The following ANO10 variants were observed in gnomAD, a reference collection of about 807,000 sequenced individuals.
ANO10 encodes anoctamin-10.
In ANO10, 77 loss-of-function variants were observed where a neutral mutation model predicts 74.7. That is an observed-to-expected ratio of 1.03 (90% CI 0.86 to 1.25). The LOEUF is 1.25. Ranked by LOEUF, ANO10 falls within the 50% of genes most tolerant of loss-of-function variation. The pLI, the probability that ANO10 is intolerant of heterozygous loss-of-function variation, is 0.00. For synonymous variants in ANO10, 279 were observed against 284.9 expected (o/e 0.98, Z 0.21); for missense variants, 721 against 778.1 (o/e 0.93, Z 0.87).
At chr3:43,663,454 G>T (rs2083950761) in intron 1 of ANO10, among the ~76,000 whole-genome samples, 1 of 152,148 alleles carries the variant, frequency 6.6e-6, no homozygotes, top group Non-Finnish European at 1.5e-5. Context: ...GGCAAAAACT[G>T]GAAGCATTCC....
At position 43,376,145 on chromosome 3, in the gene ANO10, G is replaced by A. The variant is rs188584044; in HGVS notation, c.1915-9171C>T. ...TGGCAAGAACCAGAAACCTCGATCC[G>A]CAAGGGACTGCAGTTTACTAAACAC... On this transcript the variant is annotated intron_variant, in intron 12 of 12. Transcript: ENST00000292246. 3.0e-3 allele frequency among the ~76,000 whole-genome samples: 455 copies of A among 152,246 alleles called. 1 individual carries two copies. The highest frequency in any genetic ancestry group is 0.01 in the African/African-American group (432 of 41,506).
chr3:43,389,293 A>G (rs2092212819), intron 12 of ANO10, among the ~76,000 whole-genome samples: 1 of 152,268 alleles, frequency 6.6e-6, no homozygotes, highest in Non-Finnish European at 1.5e-5. Context: ...AGCACAAGAG[A>G]TAAGCTGTTT....
intron 11 of ANO10, among the ~76,000 whole-genome samples, chr3:43,500,643 A>C (rs373527317): frequency 6.6e-6 from 1 of 152,248 alleles, no homozygotes; most frequent in South Asian, 2.1e-4. Flanking sequence ...GTCCTAAGCT[A>C]TAACTCTGCA....
chr3:43,479,160 C>T (rs1423568711), intron 11 of ANO10, among the ~76,000 whole-genome samples: 1 of 152,114 alleles, frequency 6.6e-6, no homozygotes, highest in Non-Finnish European at 1.5e-5. Context: ...AGAGGCACTA[C>T]CTTTTCCTTT....
At chr3:43,691,099 G>T in intron 1 of ANO10, 1 of 1,471,338 alleles carries the variant, frequency 6.8e-7, no homozygotes, top group Non-Finnish European at 9.0e-7. Context: ...GCGCGGGCCG[G>T]GTTAGGGCCC....
intron 12 of ANO10, among the ~76,000 whole-genome samples, chr3:43,430,834 C>A (rs996206079): frequency 6.6e-6 from 1 of 151,712 alleles, no homozygotes; most frequent in Non-Finnish European, 1.5e-5. Flanking sequence ...ATCTTTTGAT[C>A]CCAGTAAAGT....
intron 1 of ANO10, among the ~76,000 whole-genome samples, chr3:43,680,508 G>A (rs907896397): frequency 6.6e-6 from 1 of 152,174 alleles, no homozygotes; most frequent in African/African-American, 2.4e-5. Flanking sequence ...AAAACACTCG[G>A]CAGGATATTA....
intron 12 of ANO10, among the ~76,000 whole-genome samples, chr3:43,416,377 G>C (rs1419651964): frequency 6.6e-6 from 1 of 152,146 alleles, no homozygotes; most frequent in African/African-American, 2.4e-5. Flanking sequence ...ATAACAGTTA[G>C]TTGGCAGATA....
intron 11 of ANO10, among the ~76,000 whole-genome samples, chr3:43,464,953 T>G (rs1269641853): frequency 1.3e-5 from 2 of 152,186 alleles, no homozygotes; most frequent in Non-Finnish European, 2.9e-5. Context: ...AAAACAAGAA[T>G]GATAACTTTT....
chr3:43,417,380 C>A (rs2092756362), intron 12 of ANO10, among the ~76,000 whole-genome samples: 1 of 152,132 alleles, frequency 6.6e-6, no homozygotes, highest in Non-Finnish European at 1.5e-5. Context: ...TTCCCCACGG[C>A]TATGTAAACG....
At chr3:43,650,332 T>A (rs2083773357) in intron 1 of ANO10, among the ~76,000 whole-genome samples, 1 of 152,144 alleles carries the variant, frequency 6.6e-6, no homozygotes, top group Non-Finnish European at 1.5e-5. Flanking sequence ...AAAGCATTTA[T>A]GGGTGTAAGA....
At chr3:43,595,311 A>C (rs1447393899) in intron 4 of ANO10, among the ~76,000 whole-genome samples, 1 of 152,216 alleles carries the variant, frequency 6.6e-6, no homozygotes, top group Non-Finnish European at 1.5e-5. Flanking sequence ...ACACAACAAA[A>C]AAAGAGAATT....
chr3:43,516,772 T>C (rs1035562632), intron 11 of ANO10, among the ~76,000 whole-genome samples: 8 of 152,096 alleles, frequency 5.3e-5, no homozygotes, highest in Admixed American at 5.2e-4. Flanking sequence ...AAAAGAGATC[T>C]CCAAAGGAAA....
chr3:43,584,614 A>G (rs544146537), intron 4 of ANO10, among the ~76,000 whole-genome samples: 143 of 152,248 alleles, frequency 9.4e-4, no homozygotes, highest in Middle Eastern at 3.4e-3. Context: ...CTATCGGCTC[A>G]TCCACCCACT....
intron 12 of ANO10, among the ~76,000 whole-genome samples, chr3:43,409,512 C>A (rs1001165307): frequency 4.6e-5 from 7 of 151,994 alleles, no homozygotes; most frequent in Non-Finnish European, 5.9e-5. Flanking sequence ...CCACTGTACT[C>A]CAGCCTGGGT....
At chr3:43,634,539 C>T (rs1239116681) in intron 1 of ANO10, among the ~76,000 whole-genome samples, 3 of 152,088 alleles carry the variant, frequency 2.0e-5, no homozygotes, top group African/African-American at 7.2e-5. Flanking sequence ...TGTCTTCCCC[C>T]TACCTGAAAT....
chr3:43,691,335 C>T, intron 1 of ANO10: 1 of 265,512 alleles, frequency 3.8e-6, no homozygotes, highest in Non-Finnish European at 7.1e-6. Flanking sequence ...GTATAAGCCA[C>T]CCCGCGGGCC....
At chr3:43,429,304 A>G (rs1317921600) in intron 12 of ANO10, among the ~76,000 whole-genome samples, 2 of 152,180 alleles carry the variant, frequency 1.3e-5, no homozygotes, top group African/African-American at 4.8e-5. Context: ...TTTCCTTTTT[A>G]GACAAACAAG....
intron 11 of ANO10, among the ~76,000 whole-genome samples, chr3:43,527,116 G>T (rs1446525500): frequency 2.0e-5 from 3 of 151,372 alleles, no homozygotes; most frequent in Non-Finnish European, 4.4e-5. Context: ...TTAAATCATA[G>T]ATTTATGGAC....
Sources: gnomAD v4.1 joint callset for allele counts (sites outside exome capture counted in the v4.1 genomes callset) on GRCh38, gnomAD v4.1.1 for gene constraint, MANE v1.5 for transcripts, NCBI Gene and HGNC (gene_info 2026-07-23, HGNC 2026-07-21) for gene names.